The following CTSO variants were observed in gnomAD, a reference collection of about 807,000 sequenced individuals.
CTSO encodes cathepsin O.
In CTSO, 40 loss-of-function variants were observed where a neutral mutation model predicts 42.4. The ratio of observed to expected loss-of-function variants is 0.94; its 90% confidence interval spans 0.73 to 1.23. The LOEUF (loss-of-function observed/expected upper bound fraction) is 1.23, where lower values mean the gene tolerates loss of function less well. CTSO is among the 50% of genes most tolerant of loss of function. CTSO has a pLI of 0.00. For missense variants in CTSO, 441 were observed against 396.0 expected (o/e 1.11, Z -0.96); for synonymous variants, 156 against 146.2 (o/e 1.07, Z -0.48).
rs1553959895 is a variant in CTSO at position 155,937,334 on chromosome 4, GA to G, written c.674+27del. Reference sequence around the variant, plus strand: ...AGATCATAAATTAAAAATGTATAAAGAAAAACATAATACAATAAGATCTTTA... The same window carrying G: ...AGATCATAAATTAAAAATGTATAAAGAAAACATAATACAATAAGATCTTTA... On this transcript the variant is annotated intron_variant, in intron 5 of 7. Coordinates refer to ENST00000433477, the MANE Select transcript of CTSO (RefSeq NM_001334.3). 3 of 1,557,850 alleles carry G rather than the reference GA, an allele frequency of 1.9e-6. No individual in the cohort carries two copies. The African/African-American group carries it at 4.1e-5, about 21-fold the overall frequency.
rs1743478655 is a variant in CTSO, at chr4:155,943,548, A to C, written c.136-284T>G. Among the ~76,000 whole-genome samples, 4 of 152,184 alleles carry C rather than the reference A, an allele frequency of 2.6e-5. No individual in the cohort carries two copies. The South Asian group carries it at 8.3e-4, about 31-fold the overall frequency. On this transcript the variant is annotated intron_variant, in intron 1 of 7. Coordinates refer to ENST00000433477, the MANE Select transcript of CTSO (RefSeq NM_001334.3). The stretch of plus-strand genomic sequence containing the variant: ...CAAGCATTCCATATACAGCTGTTAA[A>C]GTATTGACATAGTGGGAAAAAAGAA...
intron 1 of CTSO, 72 bp downstream of exon 1, chr4:155,953,641 C>A: frequency 8.1e-7 from 1 of 1,230,072 alleles, no homozygotes; most frequent in South Asian, 4.1e-5. Context: ...CGGGGGCCCT[C>A]TTCCGCAGCC....
chr4:155,927,270 T>TA (rs1274407131), intron 7 of CTSO, among the ~76,000 whole-genome samples: 3 of 152,300 alleles, frequency 2.0e-5, no homozygotes, highest in South Asian at 2.1e-4. Context: ...ATTCTGCATT[T>TA]AAAAAAATTG....
chr4:155,929,297 T>C (rs565487355), intron 6 of CTSO, among the ~76,000 whole-genome samples: 1 of 152,334 alleles, frequency 6.6e-6, no homozygotes, highest in East Asian at 1.9e-4. Context: ...AGACCCCTGA[T>C]TTCCCACTCC....
intron 5 of CTSO, 134 bp from the exon 6 acceptor site, chr4:155,929,839 C>A (rs1683833405): frequency 1.4e-6 from 1 of 727,746 alleles, no homozygotes; most frequent in Non-Finnish European, 2.1e-6. Context: ...GAAGCTAAGT[C>A]TGAGAGACTG....
intron 7 of CTSO, among the ~76,000 whole-genome samples, chr4:155,927,384 A>G (rs1007282203): frequency 6.6e-6 from 1 of 152,232 alleles, no homozygotes; most frequent in Non-Finnish European, 1.5e-5. Context: ...TTTCTAGACC[A>G]AAAGTTTTAG....
intron 1 of CTSO, among the ~76,000 whole-genome samples, chr4:155,952,110 A>G (rs1033622777): frequency 1.3e-5 from 2 of 152,134 alleles, no homozygotes; most frequent in Admixed American, 6.6e-5. Context: ...GCAAATTCTT[A>G]CAGGCAGCAA....
At chr4:155,939,642 T>C (rs1579344525) in intron 3 of CTSO, 104 bp from the exon 4 acceptor site, 4 of 1,040,018 alleles carry the variant, frequency 3.8e-6, no homozygotes, top group East Asian at 2.4e-5. Flanking sequence ...TTCCAGATTC[T>C]GGAAACCTAC....
intron 3 of CTSO, among the ~76,000 whole-genome samples, chr4:155,941,663 C>G (rs914791347): frequency 1.3e-5 from 2 of 152,144 alleles, no homozygotes; most frequent in African/African-American, 4.8e-5. Flanking sequence ...GTAACCTAAC[C>G]TCATTTCTCC....
chr4:155,936,943 T>C (rs1743341328), intron 5 of CTSO, among the ~76,000 whole-genome samples: 1 of 152,216 alleles, frequency 6.6e-6, no homozygotes, highest in African/African-American at 2.4e-5. Context: ...TGATATTAGC[T>C]GCACAGTCTG....
chr4:155,933,599 A>G (rs1305614944), intron 5 of CTSO, among the ~76,000 whole-genome samples: 1 of 152,204 alleles, frequency 6.6e-6, no homozygotes, highest in Non-Finnish European at 1.5e-5. Context: ...AGACTTGTCG[A>G]ATGGCTTTCA....
intron 5 of CTSO, among the ~76,000 whole-genome samples, chr4:155,930,467 T>G (rs1316316741): frequency 6.6e-6 from 1 of 152,216 alleles, no homozygotes; most frequent in Non-Finnish European, 1.5e-5. Context: ...GGACATAAAG[T>G]CTCATATTAT....
intron 1 of CTSO, among the ~76,000 whole-genome samples, chr4:155,951,106 A>T (rs981115980): frequency 3.3e-5 from 5 of 152,166 alleles, no homozygotes; most frequent in African/African-American, 1.2e-4. Flanking sequence ...AAATATATAA[A>T]TAATCTTATA....
chr4:155,929,630 C>A lies in CTSO; in HGVS notation c.750G>T (p.Trp250Cys). 6.2e-7 allele frequency: 1 copy of A among 1,613,882 alleles called. No homozygotes were observed. Among genetic ancestry groups the A allele is most frequent in the Non-Finnish European group, 8.5e-7 (1 of 1,179,964 alleles). The change falls in exon 6 of 8, where the codon TGG (tryptophan) becomes TGT (cysteine). Residue 250 changes from tryptophan (W) to cysteine (C), a missense_variant. Transcript: ENST00000433477. ...GTATAATGCCTCCCAGATAATCTTGCCAGCTCACTGCATCTACTATGACTA... is the reference window on the plus strand; with the variant it reads ...GTATAATGCCTCCCAGATAATCTTGACAGCTCACTGCATCTACTATGACTA... ...PLVVIVDAVS[W>C]QDYLGGIIQH...
intron 3 of CTSO, among the ~76,000 whole-genome samples, chr4:155,941,082 G>A (rs1345299672): frequency 6.6e-6 from 1 of 152,174 alleles, no homozygotes; most frequent in African/African-American, 2.4e-5. Context: ...ATGATTTGGT[G>A]GTAAAACTTA....
chr4:155,940,347 C>G (rs561435258), intron 3 of CTSO, among the ~76,000 whole-genome samples: 2 of 151,546 alleles, frequency 1.3e-5, no homozygotes, highest in East Asian at 3.9e-4. Context: ...GGATTTGAGA[C>G]TGGATGAAAC....
chr4:155,937,617 T>A (rs1743352779), intron 4 of CTSO, 134 bp from the exon 5 acceptor site: 2 of 852,418 alleles, frequency 2.3e-6, no homozygotes, highest in Non-Finnish European at 3.6e-6. Flanking sequence ...TTCTTTTTTT[T>A]TTCTTTTTCT....
intron 3 of CTSO, 111 bp from the exon 4 acceptor site, chr4:155,939,649 C>CT: frequency 3.1e-6 from 3 of 976,650 alleles, no homozygotes; most frequent in Non-Finnish European, 4.4e-6. Flanking sequence ...TTCTGGAAAC[C>CT]TACAAAATAA....
At chr4:155,948,676 T>A (rs1320305010) in intron 1 of CTSO, among the ~76,000 whole-genome samples, 1 of 152,172 alleles carries the variant, frequency 6.6e-6, no homozygotes, top group Non-Finnish European at 1.5e-5. Context: ...GGCTGCAGTT[T>A]TAAAATTCCT....
Sources: allele counts gnomAD v4.1 joint callset (sites outside exome capture counted in the v4.1 genomes callset), GRCh38; gene constraint gnomAD v4.1.1; transcripts MANE v1.5; gene names NCBI Gene and HGNC (gene_info 2026-07-23, HGNC 2026-07-21).